Variants in ARFGEF2 observed in about 807,000 individuals in gnomAD.
The protein encoded by ARFGEF2 is ARF guanine nucleotide exchange factor 2.
In ARFGEF2, 74 loss-of-function variants were observed where a neutral mutation model predicts 219.9. The ratio of observed to expected loss-of-function variants is 0.34; its 90% CI spans 0.28 to 0.41. ARFGEF2 has a LOEUF of 0.41. Ranked by LOEUF, ARFGEF2 falls within the 10% of genes least tolerant of loss-of-function variation. ARFGEF2 has a pLI of 1.00. For missense variants in ARFGEF2, 1,743 were observed against 2,218.3 expected (o/e 0.79, Z 4.30); for synonymous variants, 733 against 799.2 (o/e 0.92, Z 1.40).
Position 49,005,070 on chromosome 20 carries a change from G to T in ARFGEF2, c.3433G>T (p.Val1145Phe). Reference protein sequence around the residue: ...WHVIGDHFNKVGCNPNEDVAI... With the variant: ...WHVIGDHFNKFGCNPNEDVAI... ...CACATCAGTTCCTGTTCTTGTTCAGGTTGGCTGCAACCCTAATGAAGATGT... is the reference window on the plus strand; with the variant it reads ...CACATCAGTTCCTGTTCTTGTTCAGTTTGGCTGCAACCCTAATGAAGATGT... The change falls in exon 26 of 39, where the codon GTT (valine) becomes TTT (phenylalanine). Residue 1145 changes from valine to phenylalanine, a missense_variant and splice_region_variant. Around this residue, in one of 5 missense-constraint regions of ARFGEF2, gnomAD observed 102 missense variants for 146.8 expected, o/e 0.69. Transcript: ENST00000371917. 6.2e-7 allele frequency: 1 copy of T among 1,614,054 alleles called. No homozygotes were observed. The highest frequency in any genetic ancestry group is 8.5e-7 in the Non-Finnish European group (1 of 1,180,006).
chr20:48,994,816 C>T (rs1055076962), intron 22 of ARFGEF2, among the ~76,000 whole-genome samples: 2 of 152,130 alleles, frequency 1.3e-5, no homozygotes, highest in Non-Finnish European at 2.9e-5. Context: ...GGGTGCATTA[C>T]TTTTCTTTCT....
intron 30 of ARFGEF2, 100 bp downstream of exon 30, chr20:49,014,060 C>A: frequency 6.7e-7 from 1 of 1,496,676 alleles, no homozygotes; most frequent in Non-Finnish European, 9.3e-7. Context: ...ACCCAGAGTT[C>A]TTAAATACTG....
chr20:49,015,814 A>C (rs919784507), intron 30 of ARFGEF2, among the ~76,000 whole-genome samples: 7 of 152,216 alleles, frequency 4.6e-5, no homozygotes, highest in Non-Finnish European at 1.0e-4. Context: ...GTGAGGTGGC[A>C]TATTTTCTCT....
chr20:48,962,537 AGGT>A (rs2091160163), intron 6 of ARFGEF2, among the ~76,000 whole-genome samples: 1 of 152,214 alleles, frequency 6.6e-6, no homozygotes, highest in Admixed American at 6.5e-5. Flanking sequence ...AAAGCCATGA[AGGT>A]GGTTTGAGAA....
intron 30 of ARFGEF2, among the ~76,000 whole-genome samples, chr20:49,014,537 G>C (rs773066100): frequency 6.6e-6 from 1 of 151,996 alleles, no homozygotes; most frequent in Non-Finnish European, 1.5e-5. Flanking sequence ...GCTTAATATG[G>C]AATATTAGGC....
rs924287547 is a variant in ARFGEF2 at position 48,984,983 on chromosome 20, C to G, written c.2070+143C>G. 50 of 1,464,240 alleles carry G rather than the reference C, an allele frequency of 3.4e-5. No individual in the cohort carries two copies. The South Asian group carries it at 4.0e-4, about 12-fold the overall frequency. The allele number at this position is 1,464,240 out of a possible 1,614,324, so 90.7% of individuals were successfully genotyped here. On this transcript the variant is annotated intron_variant, in intron 15 of 38. Coordinates refer to ENST00000371917, the MANE Select transcript of ARFGEF2 (RefSeq NM_006420.3). ...GTTATACATTGTCTATTGTCCACCC[C>G]CGGGTTACAGCAGTCCTGTGTATCC...
intron 27 of ARFGEF2, 132 bp downstream of exon 27, chr20:49,010,536 G>A (rs1020718876): frequency 5.8e-6 from 6 of 1,030,492 alleles, no homozygotes; most frequent in African/African-American, 3.2e-5. Flanking sequence ...GTGCCAGGCC[G>A]TGTTGTAAGC....
chr20:48,950,176 C>G (rs1181551820), intron 3 of ARFGEF2, among the ~76,000 whole-genome samples: 1 of 152,140 alleles, frequency 6.6e-6, no homozygotes, highest in Non-Finnish European at 1.5e-5. Context: ...TTTGTAACCT[C>G]TCAGAGAGGG....
Position 48,953,756 on chromosome 20 carries a change from A to G in ARFGEF2, c.804A>G (p.Gly268=). ...SDSGKVSTEN[G]DAPRERGSSL... ...CTGGAAAAGTAAGCACAGAAAATGG[A>G]GACGCACCCAGAGAAAGAGGCTCAT... Residue 268 remains glycine (G), a synonymous_variant, in exon 6 of 39, where the codon GGA becomes GGG. Transcript: ENST00000371917. 1 of 1,614,140 alleles carries G rather than the reference A, an allele frequency of 6.2e-7. No homozygotes were observed. Among genetic ancestry groups the G allele is most frequent in the Non-Finnish European group, 8.5e-7 (1 of 1,180,012 alleles).
chr20:48,951,317 C>T lies in ARFGEF2; in HGVS notation c.277-6C>T. 1 of 1,614,066 alleles carries T rather than the reference C, an allele frequency of 6.2e-7. No homozygotes were observed. The highest frequency in any genetic ancestry group is 8.5e-7 in the Non-Finnish European group (1 of 1,179,968). The stretch of plus-strand genomic sequence containing the variant: ...AATGTATAATCTCTGTTCTTTCTCT[C>T]TTTAGAAACTCATCGCATACGGGCA... On this transcript the variant is annotated splice_polypyrimidine_tract_variant and splice_region_variant and intron_variant, in intron 3 of 38. Coordinates refer to ENST00000371917, the MANE Select transcript of ARFGEF2 (RefSeq NM_006420.3).
rs1464222003 is a variant in ARFGEF2, at chr20:48,952,800, C to G, written c.519C>G (p.Ser173Arg). ...CATGTTACAATATCTATTTGGCCAG[C>G]AAAAATCTCATCAATCAAACCACTG... The part of the protein sequence containing the change: ...VRTCYNIYLA[S>R]KNLINQTTAK... The change falls in exon 5 of 39, where the codon AGC becomes AGG. Residue 173 changes from serine (S) to arginine (R), a missense_variant. Ser to Arg is a moderately radical substitution (Grantham distance 110, BLOSUM62 -1). Coordinates refer to ENST00000371917, the MANE Select transcript of ARFGEF2 (RefSeq NM_006420.3). 1 of 1,614,058 alleles carries G rather than the reference C, an allele frequency of 6.2e-7. No homozygotes were observed. The highest frequency in any genetic ancestry group is 8.5e-7 in the Non-Finnish European group (1 of 1,180,028).
intron 4 of ARFGEF2, among the ~76,000 whole-genome samples, 156 bp downstream of exon 4, chr20:48,951,625 A>T (rs2091071523): frequency 6.6e-6 from 1 of 152,238 alleles, no homozygotes; most frequent in African/African-American, 2.4e-5. Context: ...TAGGTGTCAG[A>T]ATTTATTAGC....
At chr20:49,010,929 A>C (rs1302263428) in intron 27 of ARFGEF2, among the ~76,000 whole-genome samples, 1 of 152,196 alleles carries the variant, frequency 6.6e-6, no homozygotes, top group African/African-American at 2.4e-5. Flanking sequence ...TTCTTGTTTG[A>C]GCTGTCATGA....
At position 48,973,072 on chromosome 20, in the gene ARFGEF2, A is replaced by G. The variant is rs2091238250; in HGVS notation, c.1526-73A>G. On this transcript the variant is annotated intron_variant, in intron 11 of 38. Transcript: ENST00000371917. ...AGTTCACTGGGGAAATTTGTTGGCA[A>G]ACATCTTGTTTGATAAGAAAACCTA... 2.5e-6 allele frequency: 4 copies of G among 1,585,806 alleles called. No homozygotes were observed. In the South Asian group the frequency reaches 3.3e-5, roughly 13 times the overall value.
rs1341577726 is a variant in ARFGEF2 at position 49,023,111 on chromosome 20, C to T, written c.4685C>T (p.Thr1562Ile). ...GTGGTCCAGTTGGAATTGATACAGA[C>T]CATTGACAACATTGTGTTCTACCCT... The part of the protein sequence containing the change: ...KCVVQLELIQ[T>I]IDNIVFYPAT... The change falls in exon 35 of 39, where the codon ACC becomes ATC. Residue 1562 changes from threonine to isoleucine, a missense_variant. By Grantham distance (89) the Thr-to-Ile change is moderately conservative (BLOSUM62 -1). Around this residue, in one of 5 missense-constraint regions of ARFGEF2, gnomAD observed 578 missense variants for 664.0 expected, o/e 0.87. Transcript: ENST00000371917. 1.9e-6 allele frequency: 3 copies of T among 1,614,054 alleles called. No homozygotes were observed. Among genetic ancestry groups the T allele is most frequent in the East Asian group, 2.2e-5 (1 of 44,900 alleles).
chr20:48,981,100 GT>G (rs1275615578), intron 14 of ARFGEF2, among the ~76,000 whole-genome samples: 1 of 152,232 alleles, frequency 6.6e-6, no homozygotes, highest in Non-Finnish European at 1.5e-5. Context: ...ATTTGGCATG[GT>G]TTTGCAGTGG....
At chr20:48,950,811 A>AAAT (rs1176537072) in intron 3 of ARFGEF2, among the ~76,000 whole-genome samples, 5 of 64,512 alleles carry the variant, frequency 7.8e-5, no homozygotes, top group East Asian at 4.9e-4. Flanking sequence ...AAAAAAAAAA[A>AAAT]ATATATATAT....
chr20:48,922,037 C>A (rs778638773), intron 1 of ARFGEF2, 27 bp downstream of exon 1: 1 of 1,567,108 alleles, frequency 6.4e-7, no homozygotes, highest in Admixed American at 1.9e-5. Context: ...CGCCCTGCCC[C>A]GCGCTGGCCT....
chr20:48,970,052 CACCTATAATCCCA>C (rs1320745719), intron 9 of ARFGEF2, among the ~76,000 whole-genome samples: 1 of 152,244 alleles, frequency 6.6e-6, no homozygotes, highest in African/African-American at 2.4e-5. Flanking sequence ...CGGTGGCTCA[CACCTATAATCCCA>C]GCACTCTGGG....
Sources: allele counts gnomAD v4.1 joint callset (sites outside exome capture counted in the v4.1 genomes callset), GRCh38; gene constraint gnomAD v4.1.1; regional missense constraint gnomAD v4.1.1; transcripts MANE v1.5; gene names NCBI Gene and HGNC (gene_info 2026-07-23, HGNC 2026-07-21).